The following AGK variants were observed in gnomAD, a reference collection of about 807,000 sequenced individuals.
AGK encodes the protein acylglycerol kinase, mitochondrial.
Under a neutral mutation model 66.4 loss-of-function variants are expected in AGK, and 52 were observed. The observed-to-expected ratio is 0.78, with a 90% CI of 0.63 to 0.99. The LOEUF (loss-of-function observed/expected upper bound fraction) is 0.99. AGK is among the 50% of genes least tolerant of loss of function. AGK has a pLI of 0.00. For synonymous variants in AGK, 182 were observed against 181.1 expected (o/e 1.00, Z -0.04); for missense variants, 451 against 506.6 (o/e 0.89, Z 1.05).
intron 10 of AGK, among the ~76,000 whole-genome samples, chr7:141,636,216 A>G (rs1383485735): frequency 6.6e-6 from 1 of 152,176 alleles, no homozygotes; most frequent in Non-Finnish European, 1.5e-5. Context: ...TTGAGTGTGC[A>G]TATGTGCATT....
intron 2 of AGK, among the ~76,000 whole-genome samples, chr7:141,564,490 A>T (rs111478389): frequency 5.9e-5 from 9 of 152,280 alleles, no homozygotes; most frequent in African/African-American, 1.9e-4. Context: ...TTTCATGAGC[A>T]CAGGGTGGAG....
chr7:141,610,053 C>T (rs1437546633), intron 5 of AGK, among the ~76,000 whole-genome samples: 1 of 151,728 alleles, frequency 6.6e-6, no homozygotes, highest in East Asian at 1.9e-4. Flanking sequence ...ACTGCAACCT[C>T]CACCTCCCAG....
intron 9 of AGK, among the ~76,000 whole-genome samples, chr7:141,622,416 A>G (rs1437427491): frequency 6.6e-6 from 1 of 152,220 alleles, no homozygotes; most frequent in Non-Finnish European, 1.5e-5. Context: ...AAGCAAGTCT[A>G]CCAGTGTCAT....
chr7:141,614,405 T>C (rs925096856), intron 7 of AGK, among the ~76,000 whole-genome samples: 8 of 152,154 alleles, frequency 5.3e-5, no homozygotes, highest in Non-Finnish European at 7.4e-5. Context: ...ACTTTGACAA[T>C]GGTTATTTAA....
Position 141,639,419 on chromosome 7 carries a change from A to G in AGK, c.727-1829A>G, listed in dbSNP as rs574762305. Among the ~76,000 whole-genome samples, 19 of 152,246 alleles carry G rather than the reference A, an allele frequency of 1.2e-4. No homozygotes were observed. In the South Asian group the frequency reaches 3.7e-3, roughly 30 times the overall value. ...TGAAGAAAAAGAAAAGAATGTGAGG[A>G]GGTGAGAAGGGAGACAGAAAGCATG... On this transcript the variant is annotated intron_variant, in intron 11 of 15. Coordinates refer to ENST00000649286, the MANE Select transcript of AGK (RefSeq NM_018238.4).
At chr7:141,606,398 TTTG>T (rs770342474) in intron 5 of AGK, among the ~76,000 whole-genome samples, 1 of 152,208 alleles carries the variant, frequency 6.6e-6, no homozygotes, top group Non-Finnish European at 1.5e-5. Context: ...CTCAGAGTCT[TTTG>T]TTGTTGTCGA....
chr7:141,648,101 A>T (rs936640040), intron 13 of AGK, among the ~76,000 whole-genome samples: 1 of 152,152 alleles, frequency 6.6e-6, no homozygotes, highest in Admixed American at 6.5e-5. Flanking sequence ...CACCTCCTTC[A>T]GGCCTCCTCT....
rs983054588 is a variant in AGK, at chr7:141,598,253, C to G, written c.221+1612C>G. ...CTTTGTTAGAGCCGCTTCCCTCCCC[C>G]ATAAACGCACCAGTCATAATGCCTA... On this transcript the variant is annotated intron_variant, in intron 4 of 15. Coordinates refer to ENST00000649286, the MANE Select transcript of AGK (RefSeq NM_018238.4). The surrounding 1 kb of genome is among the most constrained non-coding windows in gnomAD (Gnocchi z 4.2). Among the ~76,000 whole-genome samples, 1 of 152,172 alleles carries G rather than the reference C, an allele frequency of 6.6e-6. No homozygotes were observed. The highest frequency in any genetic ancestry group is 2.4e-5 in the African/African-American group (1 of 41,422).
intron 5 of AGK, among the ~76,000 whole-genome samples, chr7:141,604,096 C>T (rs1796397610): frequency 1.3e-5 from 2 of 151,818 alleles, no homozygotes; most frequent in Non-Finnish European, 2.9e-5. Flanking sequence ...AGAAAATAGA[C>T]ATTTAGAAGG....
intron 8 of AGK, among the ~76,000 whole-genome samples, chr7:141,618,657 A>C (rs1174334026): frequency 6.6e-5 from 10 of 152,194 alleles, no homozygotes; most frequent in Admixed American, 1.3e-4. Context: ...TTGTTTAAAA[A>C]AGGAAAGAAT....
chr7:141,636,495 T>C (rs148386219), intron 10 of AGK, among the ~76,000 whole-genome samples: 1 of 152,340 alleles, frequency 6.6e-6, no homozygotes, highest in East Asian at 1.9e-4. Context: ...AATAAAGTGA[T>C]GTGTAGGCAC....
chr7:141,551,758 T>G (rs2116836063), intron 1 of AGK, among the ~76,000 whole-genome samples: 1 of 152,308 alleles, frequency 6.6e-6, no homozygotes, highest in Admixed American at 6.5e-5. Flanking sequence ...TCCCTTGGGC[T>G]TCAGCATAGC....
chr7:141,613,253 C>A (rs893753156), intron 6 of AGK, among the ~76,000 whole-genome samples: 1 of 152,042 alleles, frequency 6.6e-6, no homozygotes, highest in East Asian at 1.9e-4. Flanking sequence ...TAATTACAGT[C>A]ATATAAAAAT....
At chr7:141,603,802 G>A (rs1476520854) in intron 5 of AGK, among the ~76,000 whole-genome samples, 1 of 152,180 alleles carries the variant, frequency 6.6e-6, no homozygotes, top group Non-Finnish European at 1.5e-5. Context: ...TCTCCACTAT[G>A]TATCTTGACA....
At chr7:141,634,461 G>A (rs187150849) in intron 10 of AGK, among the ~76,000 whole-genome samples, 2 of 152,216 alleles carry the variant, frequency 1.3e-5, no homozygotes, top group African/African-American at 4.8e-5. Flanking sequence ...GAAGAAAGGC[G>A]GCGCCTGGCT....
intron 10 of AGK, among the ~76,000 whole-genome samples, chr7:141,634,550 AT>A (rs1797130017): frequency 1.3e-5 from 2 of 152,114 alleles, no homozygotes; most frequent in Non-Finnish European, 1.5e-5. Flanking sequence ...GAATTGACTT[AT>A]TTTTGGAGAA....
At chr7:141,575,423 A>T (rs1795713308) in intron 2 of AGK, among the ~76,000 whole-genome samples, 2 of 152,216 alleles carry the variant, frequency 1.3e-5, no homozygotes, top group Admixed American at 1.3e-4. Flanking sequence ...TGGCACTTAG[A>T]GACCTGAGCT....
rs1430591972 is a variant in AGK at position 141,555,837 on chromosome 7, C to T, written c.101+270C>T. On this transcript the variant is annotated intron_variant, in intron 2 of 15. Transcript: ENST00000649286. The surrounding 1 kb of genome is among the most constrained non-coding windows in gnomAD (Gnocchi z 4.2). ...ATATTTATAGTGGAAGAGATTAAGA[C>T]ATCTTAGAGAAAGAGAAGTCCTTTC... 6.6e-6 allele frequency among the ~76,000 whole-genome samples: 1 copy of T among 152,170 alleles called. No individual in the cohort carries two copies. Among genetic ancestry groups the T allele is most frequent in the African/African-American group, 2.4e-5 (1 of 41,440 alleles).
At chr7:141,597,736 C>T (rs923703179) in intron 4 of AGK, among the ~76,000 whole-genome samples, 1 of 150,706 alleles carries the variant, frequency 6.6e-6, no homozygotes, top group South Asian at 2.1e-4. Flanking sequence ...TGAAAAAATG[C>T]AAAAATTAGA....
Sources: gnomAD v4.1 joint callset for allele counts (sites outside exome capture counted in the v4.1 genomes callset) on GRCh38, gnomAD v4.1.1 for gene constraint, Gnocchi (gnomAD v3.1) non-coding constraint, MANE v1.5 for transcripts, NCBI Gene and HGNC (gene_info 2026-07-23, HGNC 2026-07-21) for gene names.